UBASH3B: variants seen among roughly 807,000 people sequenced by gnomAD.
UBASH3B encodes the protein ubiquitin associated and SH3 domain containing B.
A neutral mutation model predicts 83.4 loss-of-function variants in UBASH3B; 37 were observed. The ratio of observed to expected loss-of-function variants is 0.44; its 90% CI spans 0.34 to 0.58. UBASH3B has a LOEUF of 0.58. UBASH3B is among the 20% of genes least tolerant of loss of function. The pLI is 0.01. For missense variants in UBASH3B, 657 were observed against 827.2 expected (o/e 0.79, Z 2.52); for synonymous variants, 304 against 318.3 (o/e 0.96, Z 0.48).
rs386375116 is a variant in UBASH3B, at chr11:122,712,896, G to GTTTTT, written c.161+56712_161+56716dup. On this transcript the variant is annotated intron_variant, in intron 1 of 13. Transcript: ENST00000284273. The stretch of plus-strand genomic sequence containing the variant: ...GACATTCATCTTTCTTCTCTGGGTG[G>GTTTTT]TTTTTTTTTTTTTTTTTTTTTTTTT... Among the ~76,000 whole-genome samples the GTTTTT allele has an allele frequency of 4.7e-3, 304 of 64,526 alleles. 51 individuals carry two copies. Among genetic ancestry groups the GTTTTT allele is most frequent in the Admixed American group, 0.016 (68 of 4,286 alleles). The allele number at this position is 64,526 out of a possible 152,430, so 42.3% of individuals were successfully genotyped here.
chr11:122,708,684 C>G (rs1565536753), intron 1 of UBASH3B, among the ~76,000 whole-genome samples: 4 of 152,134 alleles, frequency 2.6e-5, no homozygotes, highest in African/African-American at 9.7e-5. Context: ...TTGCATCCCT[C>G]AAAAAGATCC....
chr11:122,776,045 C>T (rs1860726781), intron 1 of UBASH3B, 174 bp from the exon 2 acceptor site: 1 of 534,926 alleles, frequency 1.9e-6, no homozygotes, highest in African/African-American at 2.0e-5. Context: ...GTCCTAACTT[C>T]CATATGTCTT....
At chr11:122,700,527 C>T (rs1392547313) in intron 1 of UBASH3B, among the ~76,000 whole-genome samples, 1 of 119,678 alleles carries the variant, frequency 8.4e-6, no homozygotes, top group Non-Finnish European at 1.6e-5. Context: ...GATGGAGTCT[C>T]GCTCTGTCAC....
intron 1 of UBASH3B, among the ~76,000 whole-genome samples, chr11:122,740,052 C>T (rs1338122481): frequency 6.6e-6 from 1 of 152,154 alleles, no homozygotes; most frequent in Non-Finnish European, 1.5e-5. Flanking sequence ...CTCGCAGATG[C>T]CATTTGATTC....
At chr11:122,680,710 G>A (rs1014837425) in intron 1 of UBASH3B, among the ~76,000 whole-genome samples, 14 of 152,096 alleles carry the variant, frequency 9.2e-5, no homozygotes, top group South Asian at 2.1e-4. Context: ...TGATCCACCC[G>A]CCTCAGCCTC....
At chr11:122,756,387 T>G (rs771467368) in intron 1 of UBASH3B, among the ~76,000 whole-genome samples, 30 of 152,318 alleles carry the variant, frequency 2.0e-4, no homozygotes, top group Non-Finnish European at 3.4e-4. Flanking sequence ...GCCCTGAGGA[T>G]TAAATAAAAT....
intron 1 of UBASH3B, among the ~76,000 whole-genome samples, chr11:122,734,516 G>T (rs1860900714): frequency 6.6e-6 from 1 of 152,152 alleles, no homozygotes; most frequent in Non-Finnish European, 1.5e-5. Flanking sequence ...GTCCAGAAAA[G>T]CCATCTGGGA....
In UBASH3B at chr11:122,813,265, TAAA is replaced by T. The variant is rs1313254815; in HGVS notation, c.*3381_*3383del. On this transcript the variant is annotated 3_prime_UTR_variant, in exon 14 of 14. Coordinates refer to ENST00000284273, the MANE Select transcript of UBASH3B (RefSeq NM_032873.5). The stretch of plus-strand genomic sequence containing the variant: ...TCCACTCAACTAGCTGTATTCGTAT[TAAA>T]ATGAAGTCTCTTATTTCAATTACCT... 1 of 152,218 alleles carries T rather than the reference TAAA, an allele frequency of 6.6e-6. No homozygotes were observed. The highest frequency in any genetic ancestry group is 2.4e-5 in the African/African-American group (1 of 41,456). The allele number at this position is 152,218 out of a possible 1,614,324, so 9.4% of individuals were successfully genotyped here. A position where few individuals can be genotyped will look rare whatever the true frequency, so the allele number is the denominator to read the frequency against.
intron 1 of UBASH3B, among the ~76,000 whole-genome samples, chr11:122,691,988 C>T (rs565384581): frequency 6.6e-6 from 1 of 152,216 alleles, no homozygotes; most frequent in African/African-American, 2.4e-5. Flanking sequence ...GCTCAGAGTC[C>T]AGGCCAGAGT....
chr11:122,661,692 G>GT (rs1454859890), intron 1 of UBASH3B, among the ~76,000 whole-genome samples: 1 of 152,070 alleles, frequency 6.6e-6, no homozygotes, highest in Non-Finnish European at 1.5e-5. Flanking sequence ...GTCTTGTGAG[G>GT]TAAAGCACAC....
chr11:122,737,103 G>A (rs1860945508), intron 1 of UBASH3B, among the ~76,000 whole-genome samples: 1 of 152,160 alleles, frequency 6.6e-6, no homozygotes, highest in African/African-American at 2.4e-5. Context: ...CCGGAAGAGG[G>A]TAGCCTAAAG....
chr11:122,749,049 A>G (rs1043417386), intron 1 of UBASH3B, among the ~76,000 whole-genome samples: 2 of 152,256 alleles, frequency 1.3e-5, no homozygotes, highest in African/African-American at 4.8e-5. Context: ...GAGAGGTCCC[A>G]GCACACTGTG....
rs190908554 is a variant in UBASH3B at position 122,732,483 on chromosome 11, G to A, written c.162-43736G>A. On this transcript the variant is annotated intron_variant, in intron 1 of 13. Transcript: ENST00000284273. ...TTATACTCTTGCCCAGGCCCTGCAC[G>A]TTGTAAGTCTCTGTTTCCTAATGGA... is the stretch of plus-strand genomic sequence containing the variant. Among the ~76,000 whole-genome samples, 9 of 152,332 alleles carry A rather than the reference G, an allele frequency of 5.9e-5. No homozygotes were observed. In the East Asian group the frequency reaches 9.6e-4, roughly 16 times the overall value.
rs151023702 is a variant in UBASH3B at position 122,769,970 on chromosome 11, G to A, written c.162-6249G>A. On this transcript the variant is annotated intron_variant, in intron 1 of 13. Transcript: ENST00000284273. ...AACATTTTTTAAAATATTGTAGTTC[G>A]TATTAAATGTTTCCAAATGTAAGAT... Among the ~76,000 whole-genome samples the A allele has an allele frequency of 1.4e-3, 212 of 152,328 alleles. 1 individual carries two copies. The highest frequency in any genetic ancestry group is 5.0e-3 in the African/African-American group (206 of 41,572).
chr11:122,699,835 C>T (rs1472036607), intron 1 of UBASH3B, among the ~76,000 whole-genome samples: 3 of 152,046 alleles, frequency 2.0e-5, no homozygotes, highest in East Asian at 1.9e-4. Flanking sequence ...CTACCTGCCT[C>T]GGCCTCCCAA....
At chr11:122,778,252 C>A (rs969800868) in intron 3 of UBASH3B, among the ~76,000 whole-genome samples, 1 of 152,162 alleles carries the variant, frequency 6.6e-6, no homozygotes, top group African/African-American at 2.4e-5. Context: ...GTTCCTAACA[C>A]CTTCTCTTTT....
At chr11:122,680,211 C>A (rs1202544631) in intron 1 of UBASH3B, among the ~76,000 whole-genome samples, 1 of 152,192 alleles carries the variant, frequency 6.6e-6, no homozygotes, top group East Asian at 1.9e-4. Context: ...TGGTTTGGCC[C>A]CTGGGCTGTA....
rs377733441 is a variant in UBASH3B, at chr11:122,657,775, G to A, written c.161+1565G>A. On this transcript the variant is annotated intron_variant, in intron 1 of 13. Coordinates refer to ENST00000284273, the MANE Select transcript of UBASH3B (RefSeq NM_032873.5). ...TCCCAATACGACTTCCTAATACTAG[G>A]GCTCCAGTTCCTGATACCAGAATTA... Among the ~76,000 whole-genome samples, 39 of 152,228 alleles carry A rather than the reference G, an allele frequency of 2.6e-4. No homozygotes were observed. The East Asian group carries it at 3.7e-3, about 14-fold the overall frequency.
chr11:122,713,951 C>T (rs563694395), intron 1 of UBASH3B, among the ~76,000 whole-genome samples: 7 of 150,962 alleles, frequency 4.6e-5, no homozygotes, highest in South Asian at 2.1e-4. Flanking sequence ...AAGCAGGAAA[C>T]GAGTTTAGGT....
Sources: allele counts gnomAD v4.1 joint callset (sites outside exome capture counted in the v4.1 genomes callset), GRCh38; gene constraint gnomAD v4.1.1; transcripts MANE v1.5; gene names NCBI Gene and HGNC (gene_info 2026-07-23, HGNC 2026-07-21).